CDH12: variants seen among roughly 807,000 people sequenced by gnomAD.
CDH12 encodes the protein cadherin-12.
In CDH12, 41 loss-of-function variants were observed where a neutral mutation model predicts 74.1. The ratio of observed to expected loss-of-function variants is 0.55; its 90% CI spans 0.43 to 0.72. CDH12 has a LOEUF of 0.72. Ranked by LOEUF, CDH12 falls within the 30% of genes least tolerant of loss-of-function variation. The pLI, the probability that CDH12 is intolerant of heterozygous loss-of-function variation, is 0.00. For missense variants in CDH12, 945 were observed against 977.2 expected (o/e 0.97, Z 0.44); for synonymous variants, 399 against 355.0 (o/e 1.12, Z -1.39).
At chr5:22,499,537 A>T (rs907932528) in intron 2 of CDH12, among the ~76,000 whole-genome samples, 3 of 152,152 alleles carry the variant, frequency 2.0e-5, no homozygotes, top group Admixed American at 1.3e-4. Flanking sequence ...AAGTTGATAT[A>T]CTTTGAAATC....
intron 1 of CDH12, among the ~76,000 whole-genome samples, chr5:22,571,660 A>G (rs906746595): frequency 6.6e-6 from 1 of 152,172 alleles, no homozygotes; most frequent in Non-Finnish European, 1.5e-5. Context: ...AGTGAGAGAC[A>G]TGCAACTCTT....
At chr5:22,622,972 A>T (rs1421833846) in intron 1 of CDH12, among the ~76,000 whole-genome samples, 1 of 152,230 alleles carries the variant, frequency 6.6e-6, no homozygotes, top group Non-Finnish European at 1.5e-5. Context: ...CTTATCCATC[A>T]TGATCAAGTG....
intron 6 of CDH12, chr5:21,882,642 C>T: frequency 2.1e-5 from 33 of 1,604,986 alleles, no homozygotes; most frequent in Non-Finnish European, 2.7e-5. Flanking sequence ...AGGGTACTGG[C>T]TCCTCATCTC....
intron 5 of CDH12, among the ~76,000 whole-genome samples, chr5:22,038,313 T>A (rs541426113): frequency 2.4e-3 from 359 of 152,252 alleles, no homozygotes; most frequent in African/African-American, 8.0e-3. Context: ...CAAGCATCCC[T>A]GGAGCCACCC....
intron 4 of CDH12, among the ~76,000 whole-genome samples, chr5:22,129,870 C>G (rs112467996): frequency 6.6e-6 from 1 of 151,476 alleles, no homozygotes; most frequent in African/African-American, 2.4e-5. Flanking sequence ...TAAACTTTTG[C>G]CAGAATAATT....
At chr5:22,769,182 C>T (rs1746681525) in intron 1 of CDH12, among the ~76,000 whole-genome samples, 1 of 152,036 alleles carries the variant, frequency 6.6e-6, no homozygotes, top group Non-Finnish European at 1.5e-5. Flanking sequence ...GATGGTGTTG[C>T]CAGAAGAAAT....
At chr5:22,264,579 T>A (rs1335903030) in intron 3 of CDH12, among the ~76,000 whole-genome samples, 2 of 152,190 alleles carry the variant, frequency 1.3e-5, no homozygotes, top group Non-Finnish European at 2.9e-5. Flanking sequence ...TGAGTAATTA[T>A]CAGAGGTTGT....
At chr5:22,245,614 T>G (rs1337736137) in intron 3 of CDH12, among the ~76,000 whole-genome samples, 1 of 151,908 alleles carries the variant, frequency 6.6e-6, no homozygotes, top group Non-Finnish European at 1.5e-5. Flanking sequence ...GACTTAAATA[T>G]ATATGTGATA....
At chr5:22,406,226 G>T (rs1426263846) in intron 2 of CDH12, among the ~76,000 whole-genome samples, 2 of 152,070 alleles carry the variant, frequency 1.3e-5, no homozygotes, top group Non-Finnish European at 2.9e-5. Flanking sequence ...GCAAGTCGAG[G>T]ACTCTTTTTG....
At chr5:21,766,661 A>C (rs1373316550) in intron 11 of CDH12, among the ~76,000 whole-genome samples, 2 of 151,904 alleles carry the variant, frequency 1.3e-5, no homozygotes, top group Non-Finnish European at 3.0e-5. Context: ...TGTTATTGCT[A>C]TCCATTATTT....
chr5:21,870,819 C>A (rs1751580378), intron 6 of CDH12, among the ~76,000 whole-genome samples: 1 of 152,158 alleles, frequency 6.6e-6, no homozygotes, highest in African/African-American at 2.4e-5. Flanking sequence ...GCAGCCCCAA[C>A]CTGGTGAACT....
At chr5:22,618,907 C>A (rs941160195) in intron 1 of CDH12, among the ~76,000 whole-genome samples, 4 of 151,966 alleles carry the variant, frequency 2.6e-5, no homozygotes, top group Non-Finnish European at 5.9e-5. Flanking sequence ...TCTAGGCAAA[C>A]TCCCTTGCCT....
At chr5:22,290,831 A>T (rs1737354470) in intron 3 of CDH12, among the ~76,000 whole-genome samples, 1 of 152,164 alleles carries the variant, frequency 6.6e-6, no homozygotes, top group Non-Finnish European at 1.5e-5. Flanking sequence ...TTAACAGGCC[A>T]ATAATGAGTA....
At chr5:22,004,764 T>G (rs1031108545) in intron 5 of CDH12, among the ~76,000 whole-genome samples, 4 of 152,272 alleles carry the variant, frequency 2.6e-5, no homozygotes, top group Middle Eastern at 3.4e-3. Flanking sequence ...AAGTAAACAT[T>G]GTACCCAATA....
At chr5:22,234,077 C>G (rs1561242738) in intron 3 of CDH12, among the ~76,000 whole-genome samples, 2 of 152,234 alleles carry the variant, frequency 1.3e-5, no homozygotes, top group East Asian at 3.9e-4. Context: ...GAATTTTCCT[C>G]TTTTTAAAAA....
In CDH12 at chr5:21,990,415, T is replaced by A. The variant is rs185186059; in HGVS notation, c.232-15030A>T. 1.6e-3 allele frequency among the ~76,000 whole-genome samples: 248 copies of A among 152,228 alleles called. 5 individuals are homozygous for A. Among genetic ancestry groups the A allele is most frequent in the Non-Finnish European group, 1.0e-4 (7 of 67,980 alleles). ...ATCACTTATTACATTTGCGTTATTG[T>A]GTAAATTACTGAATTTCTTCATACC... is the stretch of plus-strand genomic sequence containing the variant. On this transcript the variant is annotated intron_variant, in intron 5 of 14. Coordinates refer to ENST00000382254, the MANE Select transcript of CDH12 (RefSeq NM_004061.5).
chr5:22,696,039 T>G (rs920951213), intron 1 of CDH12, among the ~76,000 whole-genome samples: 27 of 152,172 alleles, frequency 1.8e-4, no homozygotes, highest in African/African-American at 5.8e-4. Context: ...TGTCTCTTAA[T>G]CCCACCAGAA....
At chr5:22,284,574 A>T (rs575573176) in intron 3 of CDH12, among the ~76,000 whole-genome samples, 1 of 152,316 alleles carries the variant, frequency 6.6e-6, no homozygotes, top group South Asian at 2.1e-4. Flanking sequence ...TCATCAAAGC[A>T]TGAAAGCAAA....
chr5:22,341,365 T>C (rs1346643208), intron 3 of CDH12, among the ~76,000 whole-genome samples: 1 of 152,186 alleles, frequency 6.6e-6, no homozygotes, highest in Non-Finnish European at 1.5e-5. Context: ...ATACAGGCTA[T>C]GTTTGACTTG....
Sources: gnomAD v4.1 joint callset for allele counts (sites outside exome capture counted in the v4.1 genomes callset) on GRCh38, gnomAD v4.1.1 for gene constraint, MANE v1.5 for transcripts, NCBI Gene and HGNC (gene_info 2026-07-23, HGNC 2026-07-21) for gene names.